Variants in GTF2I observed in about 807,000 individuals in gnomAD.
The protein encoded by GTF2I is general transcription factor II-I.
A neutral mutation model predicts 67.6 loss-of-function variants in GTF2I; 12 were observed. The observed-to-expected ratio is 0.18, with a 90% CI of 0.11 to 0.29. GTF2I has a LOEUF of 0.29. GTF2I is among the 10% of genes least tolerant of loss of function. GTF2I has a pLI of 1.00. For missense variants in GTF2I, 271 were observed against 580.1 expected, an observed-to-expected ratio of 0.47 and a Z score of 5.47; for synonymous variants, 149 against 197.0, an observed-to-expected ratio of 0.76 and a Z score of 2.04.
chr7:74,727,993 T>G (rs1310232236), intron 12 of GTF2I: 1 of 152,274 alleles, frequency 6.6e-6, no homozygotes, highest in Non-Finnish European at 1.5e-5. Flanking sequence ...CCATACATTT[T>G]GCACTTGTTA....
chr7:74,668,795 A>T (rs1421008631), intron 1 of GTF2I, among the ~76,000 whole-genome samples: 1 of 151,968 alleles, frequency 6.6e-6, no homozygotes, highest in Non-Finnish European at 1.5e-5. Context: ...GCTGGTCTTG[A>T]ACTCCTGACC....
chr7:74,706,640 C>T (rs1310203125), intron 8 of GTF2I, among the ~76,000 whole-genome samples: 2 of 152,098 alleles, frequency 1.3e-5, no homozygotes. Context: ...AGGCAGAGTT[C>T]TTTGCCAGTT....
At chr7:74,688,023 G>A (rs1554395925) in intron 1 of GTF2I, among the ~76,000 whole-genome samples, 1 of 152,120 alleles carries the variant, frequency 6.6e-6, no homozygotes, top group African/African-American at 2.4e-5. Flanking sequence ...TTTAGATTTT[G>A]CCATCTTAGT....
intron 1 of GTF2I, among the ~76,000 whole-genome samples, chr7:74,660,775 C>T (rs1804417341): frequency 6.6e-6 from 1 of 152,034 alleles, no homozygotes; most frequent in South Asian, 2.1e-4. Flanking sequence ...GAGCGCTCCA[C>T]CACGCCCGGC....
chr7:74,707,435 ACCTGC>A (rs1554401714), intron 8 of GTF2I, among the ~76,000 whole-genome samples: 1 of 151,728 alleles, frequency 6.6e-6, no homozygotes, highest in African/African-American at 2.4e-5. Flanking sequence ...CTGGGCAGCC[ACCTGC>A]CCCGCTTCAC....
intron 1 of GTF2I, among the ~76,000 whole-genome samples, chr7:74,676,411 A>T (rs587713944): frequency 6.6e-6 from 1 of 152,224 alleles, no homozygotes; most frequent in South Asian, 2.1e-4. Context: ...TGAGCCCAGG[A>T]GTTTGCAGCC....
intron 1 of GTF2I, among the ~76,000 whole-genome samples, chr7:74,675,926 C>T (rs1805865000): frequency 6.6e-6 from 1 of 152,148 alleles, no homozygotes. Context: ...AGGAGAATCG[C>T]TTGAACCCGG....
intron 12 of GTF2I, chr7:74,726,868 G>GATAT (rs1408430080): frequency 6.6e-6 from 1 of 151,116 alleles, no homozygotes; most frequent in Non-Finnish European, 1.5e-5. Flanking sequence ...TAGATAGATA[G>GATAT]ATAGATAGAT....
chr7:74,725,531 T>TA (rs34123125), intron 12 of GTF2I, among the ~76,000 whole-genome samples: 120,379 of 146,482 alleles, frequency 0.82, 49,436 homozygotes, highest in East Asian at 0.94. Flanking sequence ...CTACAAAAGT[T>TA]AAAAAAAAAA....
chr7:74,689,254 T>C (rs1554396270), intron 2 of GTF2I, 27 bp downstream of exon 2: 2 of 1,222,608 alleles, frequency 1.6e-6, no homozygotes, highest in Admixed American at 1.7e-5. Context: ...CATCATTCCA[T>C]AGTTGGGTAG....
intron 12 of GTF2I, among the ~76,000 whole-genome samples, chr7:74,723,575 C>T (rs781894814): frequency 5.3e-5 from 8 of 151,410 alleles, no homozygotes; most frequent in Non-Finnish European, 1.2e-4. Context: ...GAACTACAGG[C>T]ACACGCCACC....
intron 3 of GTF2I, among the ~76,000 whole-genome samples, chr7:74,698,104 C>T (rs1397284534): frequency 4.6e-5 from 7 of 152,148 alleles, no homozygotes; most frequent in African/African-American, 7.2e-5. Context: ...CACAGGCGCC[C>T]GCCACCACGC....
intron 8 of GTF2I, among the ~76,000 whole-genome samples, chr7:74,708,890 A>G (rs1406794430): frequency 1.3e-5 from 2 of 152,188 alleles, no homozygotes; most frequent in Non-Finnish European, 2.9e-5. Context: ...ATGCAACTTT[A>G]CTTCCTACAA....
intron 1 of GTF2I, among the ~76,000 whole-genome samples, chr7:74,686,889 G>T (rs587741302): frequency 6.7e-6 from 1 of 149,272 alleles, no homozygotes; most frequent in Admixed American, 6.7e-5. Context: ...TGTTTGTTTT[G>T]TTTTTGTTTT....
At chr7:74,661,758 G>T (rs1432333208) in intron 1 of GTF2I, among the ~76,000 whole-genome samples, 2 of 152,106 alleles carry the variant, frequency 1.3e-5, no homozygotes, top group African/African-American at 4.8e-5. Context: ...CAGAAAACTG[G>T]CTGAGAGTTG....
intron 1 of GTF2I, among the ~76,000 whole-genome samples, chr7:74,674,688 G>A (rs1805740892): frequency 6.6e-6 from 1 of 151,340 alleles, no homozygotes; most frequent in Non-Finnish European, 1.5e-5. Flanking sequence ...ACAGGCATGA[G>A]CCACCACGCT....
chr7:74,724,610 GAATAGCACCTTTTGCATATTAA>G, intron 12 of GTF2I, among the ~76,000 whole-genome samples: 1 of 152,266 alleles, frequency 6.6e-6, no homozygotes, highest in East Asian at 1.9e-4. Context: ...GTAAATTCAT[GAATAGCACCTTTTGCATATTAA>G]AATATCTTAA....
intron 11 of GTF2I, among the ~76,000 whole-genome samples, chr7:74,718,575 C>T (rs918091851): frequency 6.6e-6 from 1 of 152,216 alleles, no homozygotes; most frequent in Non-Finnish European, 1.5e-5. Flanking sequence ...CTAGCTGTGG[C>T]AGGAAATTCA....
chr7:74,677,748 C>CTCCA (rs1806027805), intron 1 of GTF2I, among the ~76,000 whole-genome samples: 1 of 119,792 alleles, frequency 8.3e-6, no homozygotes, highest in Admixed American at 1.2e-4. Context: ...CGCCACTGCA[C>CTCCA]TCCAGCCTGG....
Sources: allele counts gnomAD v4.1 joint callset (sites outside exome capture counted in the v4.1 genomes callset), GRCh38; gene constraint gnomAD v4.1.1; transcripts MANE v1.5; gene names NCBI Gene and HGNC (gene_info 2026-07-23, HGNC 2026-07-21).